The following CPE variants were observed in gnomAD, a reference collection of about 807,000 sequenced individuals.
CPE encodes carbocypeptidase E.
A neutral mutation model predicts 53.5 loss-of-function variants in CPE; 17 were observed. The observed-to-expected ratio is 0.32, with a 90% CI of 0.22 to 0.48. CPE has a LOEUF of 0.48. Ranked by LOEUF, CPE falls within the 20% of genes least tolerant of loss-of-function variation. The pLI is 0.99. For missense variants in CPE, 524 were observed against 614.7 expected, an observed-to-expected ratio of 0.85 and a Z score of 1.56; for synonymous variants, 226 against 228.8, an observed-to-expected ratio of 0.99 and a Z score of 0.11.
intron 1 of CPE, among the ~76,000 whole-genome samples, chr4:165,421,536 C>T (rs545509718): frequency 1.6e-4 from 24 of 152,316 alleles, no homozygotes; most frequent in African/African-American, 5.8e-4. Context: ...AAAAATCCCG[C>T]ATATTTACCT....
At chr4:165,458,361 C>T (rs539832841) in intron 1 of CPE, among the ~76,000 whole-genome samples, 87 of 152,210 alleles carry the variant, frequency 5.7e-4, no homozygotes, top group African/African-American at 2.0e-3. Flanking sequence ...ATTACATGTA[C>T]CAGGAACACG....
intron 3 of CPE, among the ~76,000 whole-genome samples, chr4:165,468,783 A>G (rs1218101135): frequency 1.3e-5 from 2 of 152,106 alleles, no homozygotes; most frequent in African/African-American, 2.4e-5. Context: ...CAAATTCTCA[A>G]TCTTCCAGAG....
chr4:165,396,710 A>C (rs1410093013), intron 1 of CPE, among the ~76,000 whole-genome samples: 1 of 150,930 alleles, frequency 6.6e-6, no homozygotes, highest in African/African-American at 2.4e-5. Flanking sequence ...AAAAACAATA[A>C]GATAGACGGA....
intron 1 of CPE, among the ~76,000 whole-genome samples, chr4:165,428,278 C>G (rs1731355060): frequency 6.6e-6 from 1 of 152,206 alleles, no homozygotes; most frequent in African/African-American, 2.4e-5. Context: ...TCTCAAACTC[C>G]TGGGCTCAAG....
At chr4:165,487,407 T>C (rs1286261614) in intron 5 of CPE, 31 bp from the exon 6 acceptor site, 9 of 1,612,294 alleles carry the variant, frequency 5.6e-6, no homozygotes, top group Non-Finnish European at 5.9e-6. Context: ...TCCTTGTGCA[T>C]ATTTTGACTT....
Position 165,490,672 on chromosome 4 carries a change from C to T in CPE, c.1114-2499C>T, listed in dbSNP as rs1732587680. 2.0e-5 allele frequency among the ~76,000 whole-genome samples: 3 copies of T among 151,444 alleles called. 1 individual carries two copies. In the South Asian group the frequency reaches 6.3e-4, roughly 32 times the overall value. On this transcript the variant is annotated intron_variant, in intron 6 of 8. Coordinates refer to ENST00000402744, the MANE Select transcript of CPE (RefSeq NM_001873.4). ...AAAAAAAAGAATGGTTCATGGGCACCTGCATTAGAATCACCTAGAGTTCTT... is the reference window on the plus strand; with the variant it reads ...AAAAAAAAGAATGGTTCATGGGCACTTGCATTAGAATCACCTAGAGTTCTT...
Position 165,456,250 on chromosome 4 carries a change from C to A in CPE, c.308-8140C>A, listed in dbSNP as rs372322327. ...AATTTTCTTCATTGATTTATTATGG[C>A]TAATATTTAGGGCAAAGGGTGATAT... On this transcript the variant is annotated intron_variant, in intron 1 of 8. Coordinates refer to ENST00000402744, the MANE Select transcript of CPE (RefSeq NM_001873.4). Among the ~76,000 whole-genome samples, 14 of 152,094 alleles carry A rather than the reference C, an allele frequency of 9.2e-5. 2 individuals are homozygous for A. The highest frequency in any genetic ancestry group is 3.3e-4 in the Admixed American group (5 of 15,278).
At chr4:165,467,187 AT>A (rs772200940) in intron 2 of CPE, among the ~76,000 whole-genome samples, 10 of 151,954 alleles carry the variant, frequency 6.6e-5, no homozygotes, top group Non-Finnish European at 1.3e-4. Flanking sequence ...GCCTAGCATG[AT>A]TGTGCACATG....
rs112084290 is a variant in CPE at position 165,467,982 on chromosome 4, T to TGA, written c.672+127_672+128insGA. On this transcript the variant is annotated intron_variant, in intron 3 of 8. Transcript: ENST00000402744. ...TGTATGGGGTGGTTAACTGTGGCTT[T>TGA]AAGTCAAGGCTGGAAGGGCTGGTGC... The TGA allele has an allele frequency of 2.7e-3, 2,876 of 1,069,078 alleles. 49 individuals carry two copies. In the African/African-American group the frequency reaches 0.04, roughly 15 times the overall value. 66.2% of individuals were successfully genotyped at this position (1,069,078 alleles called of 1,614,324 possible).
At chr4:165,439,759 A>G (rs1294770938) in intron 1 of CPE, among the ~76,000 whole-genome samples, 1 of 152,164 alleles carries the variant, frequency 6.6e-6, no homozygotes, top group Non-Finnish European at 1.5e-5. Flanking sequence ...ATTTCTATAT[A>G]TAAAAGATAG....
At chr4:165,381,875 G>A (rs540879068) in intron 1 of CPE, among the ~76,000 whole-genome samples, 48 of 152,314 alleles carry the variant, frequency 3.2e-4, no homozygotes, top group Admixed American at 1.2e-3. Flanking sequence ...AAGTAAAAAG[G>A]AATACTTATT....
intron 8 of CPE, 139 bp from the exon 9 acceptor site, chr4:165,497,373 G>C: frequency 4.7e-6 from 2 of 426,776 alleles, no homozygotes; most frequent in Non-Finnish European, 8.1e-6. Context: ...TTTGTTTATT[G>C]CAAGAGATTT....
intron 4 of CPE, among the ~76,000 whole-genome samples, chr4:165,483,378 T>C (rs929437826): frequency 2.6e-5 from 4 of 152,272 alleles, no homozygotes; most frequent in Non-Finnish European, 5.9e-5. Flanking sequence ...ATTTTCTTTA[T>C]CTAATCAACC....
intron 5 of CPE, among the ~76,000 whole-genome samples, chr4:165,487,236 G>A (rs1732519615): frequency 6.6e-6 from 1 of 152,194 alleles, no homozygotes; most frequent in Admixed American, 6.5e-5. Flanking sequence ...GAACCTGAGA[G>A]TTTGTGCTTT....
chr4:165,441,458 C>A (rs1451181519), intron 1 of CPE, among the ~76,000 whole-genome samples: 3 of 152,114 alleles, frequency 2.0e-5, no homozygotes, highest in African/African-American at 7.2e-5. Flanking sequence ...CTGGAGCAGA[C>A]CACTGTGGTA....
intron 1 of CPE, among the ~76,000 whole-genome samples, chr4:165,395,468 A>G (rs911342400): frequency 2.0e-5 from 3 of 152,180 alleles, no homozygotes; most frequent in African/African-American, 7.2e-5. Flanking sequence ...CAGTACTGGT[A>G]ATGATTTGAT....
chr4:165,397,062 A>G (rs1270976956), intron 1 of CPE, among the ~76,000 whole-genome samples: 1 of 152,158 alleles, frequency 6.6e-6, no homozygotes, highest in Non-Finnish European at 1.5e-5. Flanking sequence ...CCTTGTCTCA[A>G]CAAATAATAA....
chr4:165,406,598 A>T (rs190308738), intron 1 of CPE, among the ~76,000 whole-genome samples: 1 of 152,304 alleles, frequency 6.6e-6, no homozygotes, highest in African/African-American at 2.4e-5. Context: ...CTTTATTGAG[A>T]TAGAATTCAC....
chr4:165,385,954 A>G (rs764969389), intron 1 of CPE, among the ~76,000 whole-genome samples: 13 of 151,926 alleles, frequency 8.6e-5, no homozygotes, highest in Non-Finnish European at 1.2e-4. Context: ...TAACTTTCTT[A>G]CCCCTGCTGG....
Sources: gnomAD v4.1 joint callset for allele counts (sites outside exome capture counted in the v4.1 genomes callset) on GRCh38, gnomAD v4.1.1 for gene constraint, MANE v1.5 for transcripts, NCBI Gene and HGNC (gene_info 2026-07-23, HGNC 2026-07-21) for gene names.